The following MYO15B variants were observed in gnomAD, a reference collection of about 807,000 sequenced individuals.
The protein encoded by MYO15B is myosin XVB.
A neutral mutation model predicts 119.3 loss-of-function variants in MYO15B; 207 were observed. That is an observed-to-expected ratio of 1.73 (90% CI 1.55 to 1.95). The LOEUF is 1.95. MYO15B is among the 30% of genes most tolerant of loss of function. MYO15B has a pLI of 0.00. For missense variants in MYO15B, 2,264 were observed against 1,203.1 expected (o/e 1.88, Z -13.04); for synonymous variants, 966 against 498.9 (o/e 1.94, Z -12.48).
At chr17:75,625,194 C>G (rs1206744912) in exon 60 of MYO15B, 3 of 702,584 alleles carry the variant, frequency 4.3e-6, no homozygotes, top group Non-Finnish European at 5.2e-6. Flanking sequence ...CCAGGCTGGC[C>G]GCCCTGCAGC....
chr17:75,591,375 GGCCGAGCTCCTGGCTGAA>G lies in MYO15B; in HGVS notation c.2435+130_2435+147del, dbSNP rs2056437026. On this transcript the variant is annotated intron_variant, in intron 4 of 63. Coordinates refer to ENST00000645453, the Ensembl canonical transcript of MYO15B. ...TGGGCTACAGTTCTGGACTCCTCAG[GGCCGAGCTCCTGGCTGAA>G]ATCATCACATGAGCCCCTGGAATGT... 4 of 625,078 alleles carry G rather than the reference GGCCGAGCTCCTGGCTGAA, an allele frequency of 6.4e-6. No individual in the cohort carries two copies. In the South Asian group the frequency reaches 7.4e-5, roughly 12 times the overall value. 38.7% of individuals were successfully genotyped at this position (625,078 alleles called of 1,614,324 possible).
chr17:75,598,539 AAAAAAAAG>A (rs2057028869), intron 14 of MYO15B, among the ~76,000 whole-genome samples: 1 of 134,202 alleles, frequency 7.5e-6, no homozygotes, highest in African/African-American at 2.7e-5. Context: ...AAAAAAAAAA[AAAAAAAAG>A]AAAATGAAAG....
chr17:75,609,375 A>G (rs371515870), intron 21 of MYO15B, among the ~76,000 whole-genome samples: 1 of 147,880 alleles, frequency 6.8e-6, no homozygotes, highest in East Asian at 2.1e-4. Context: ...AGGTCTTGCT[A>G]TGTTGCCCAG....
chr17:75,602,496 C>T (rs1292197828), intron 15 of MYO15B, 21 bp from the exon 16 acceptor site: 2 of 702,992 alleles, frequency 2.8e-6, no homozygotes, highest in Admixed American at 4.0e-5. Flanking sequence ...CTTCCCTCCC[C>T]ACCTGCATGG....
chr17:75,620,919 G>A (rs528510073), intron 49 of MYO15B, 112 bp from the exon 50 acceptor site: 2 of 702,368 alleles, frequency 2.8e-6, no homozygotes, highest in South Asian at 3.0e-5. Context: ...TCACTTTCCT[G>A]GCTTCTGGTC....
chr17:75,615,913 G>C, intron 36 of MYO15B, 29 bp downstream of exon 36: 1 of 640,610 alleles, frequency 1.6e-6, no homozygotes, highest in Non-Finnish European at 2.8e-6. Flanking sequence ...TCTCAGGAAG[G>C]GATGTGAGGG....
chr17:75,602,776 A>C (rs1190751659), intron 16 of MYO15B, 54 bp from the exon 17 acceptor site: 4 of 605,550 alleles, frequency 6.6e-6, no homozygotes, highest in Non-Finnish European at 1.2e-5. Flanking sequence ...CCCGGGCTGC[A>C]GGGTGGATGG....
chr17:75,621,903 G>C (rs939313036), intron 52 of MYO15B, 101 bp from the exon 53 acceptor site: 3 of 649,822 alleles, frequency 4.6e-6, no homozygotes, highest in Non-Finnish European at 8.5e-6. Flanking sequence ...TGAGAGTGAG[G>C]CATCAGATGG....
chr17:75,611,871 G>C lies in MYO15B; in HGVS notation c.4505-15G>C. The C allele has an allele frequency of 1.4e-6, 1 of 702,824 alleles. No homozygotes were observed. The highest frequency in any genetic ancestry group is 2.6e-6 in the Non-Finnish European group (1 of 384,970). The allele number at this position is 702,824 out of a possible 1,614,324, so 43.5% of individuals were successfully genotyped here. A position where few individuals can be genotyped will look rare whatever the true frequency, so the allele number is the denominator to read the frequency against. ...CCTGGATGCTCCTGGGCTGCCTCCCGGTGCTTGTTCCCAGGCCATCGGGAC... is the reference window on the plus strand; with the variant it reads ...CCTGGATGCTCCTGGGCTGCCTCCCCGTGCTTGTTCCCAGGCCATCGGGAC... On this transcript the variant is annotated splice_polypyrimidine_tract_variant and intron_variant, in intron 24 of 63. Transcript: ENST00000645453.
Position 75,592,084 on chromosome 17 carries a change from A to T in MYO15B, c.2651+4A>T. On this transcript the variant is annotated splice_donor_region_variant and intron_variant, in intron 6 of 63. Coordinates refer to ENST00000645453, the Ensembl canonical transcript of MYO15B. Reference sequence around the variant, plus strand: ...TCTTCTGCCTCTACCTACAGCAGTGAGTGGCAGGGTTGCAGGGGGCACCTA... The same window carrying T: ...TCTTCTGCCTCTACCTACAGCAGTGTGTGGCAGGGTTGCAGGGGGCACCTA... The T allele has an allele frequency of 2.8e-6, 2 of 702,764 alleles. No individual in the cohort carries two copies. The highest frequency in any genetic ancestry group is 5.2e-6 in the Non-Finnish European group (2 of 384,958). 43.5% of individuals were successfully genotyped at this position (702,764 alleles called of 1,614,324 possible). A position where few individuals can be genotyped will look rare whatever the true frequency, so the allele number is the denominator to read the frequency against.
At position 75,610,251 on chromosome 17, in the gene MYO15B, A is replaced by C. The variant is rs779594501; in HGVS notation, c.4378A>C (p.Arg1460=). The change falls in exon 22 of 64, where the codon AGA becomes CGA. Residue 1460 remains arginine (R), a synonymous_variant. Coordinates refer to ENST00000645453, the Ensembl canonical transcript of MYO15B. ...CCAGCCCCTGCTCCAGAGGCGGCAG[A>C]GACTGCAGGTGCAGGGGCTTGGGTG... 1.7e-5 allele frequency: 12 copies of C among 700,470 alleles called. No homozygotes were observed. In the South Asian group the frequency reaches 1.8e-4, roughly 10 times the overall value. 43.4% of individuals were successfully genotyped at this position (700,470 alleles called of 1,614,324 possible).
chr17:75,602,613 A>G lies in MYO15B; in HGVS notation c.3729+19A>G. On this transcript the variant is annotated intron_variant, in intron 16 of 63. Coordinates refer to ENST00000645453, the Ensembl canonical transcript of MYO15B. ...GCTCCAGGTGCCCATCTGCCCTTCCAGGCCCCCACCCGCTCCATACTCTGT... is the reference window on the plus strand; with the variant it reads ...GCTCCAGGTGCCCATCTGCCCTTCCGGGCCCCCACCCGCTCCATACTCTGT... The G allele has an allele frequency of 1.5e-6, 1 of 658,168 alleles. No homozygotes were observed. The highest frequency in any genetic ancestry group is 2.8e-6 in the Non-Finnish European group (1 of 362,132). The allele number at this position is 658,168 out of a possible 1,614,324, so 40.8% of individuals were successfully genotyped here.
intron 19 of MYO15B, among the ~76,000 whole-genome samples, chr17:75,604,293 G>A (rs1191742013): frequency 6.6e-6 from 1 of 152,126 alleles, no homozygotes; most frequent in Non-Finnish European, 1.5e-5. Flanking sequence ...CTGCTGATCT[G>A]TGCCATTCCC....
chr17:75,615,714 G>A (rs950159726), exon 36 of MYO15B: 1 of 693,530 alleles, frequency 1.4e-6, no homozygotes, highest in Non-Finnish European at 2.6e-6. Flanking sequence ...GACAGCCCAG[G>A]CCATGTCCCT....
At chr17:75,614,887 C>G (rs771658478) in intron 32 of MYO15B, 38 bp downstream of exon 32, 23 of 702,770 alleles carry the variant, frequency 3.3e-5, no homozygotes, top group Middle Eastern at 4.6e-4. Context: ...CCTGCCCCAA[C>G]CCCCCGGGGC....
At chr17:75,588,517 G>A (rs1226149174) in exon 1 of MYO15B, 3 of 398,506 alleles carry the variant, frequency 7.5e-6, no homozygotes, top group Non-Finnish European at 1.3e-5. Context: ...GTCGGGTGGG[G>A]ACGGAGGCAG....
chr17:75,620,949 C>T (rs1401235983), intron 49 of MYO15B, 82 bp from the exon 50 acceptor site: 1 of 702,650 alleles, frequency 1.4e-6, no homozygotes, highest in Admixed American at 2.0e-5. Context: ...TGGTGTCTGG[C>T]TGGGGAGGGA....
chr17:75,602,432 TCTC>T (rs139734466), intron 15 of MYO15B, 82 bp from the exon 16 acceptor site: 16 of 702,456 alleles, frequency 2.3e-5, no homozygotes, highest in Non-Finnish European at 2.9e-5. Context: ...GGTAGATTCT[TCTC>T]CTCCATATCC....
chr17:75,610,065 G>A (rs1014325595), intron 21 of MYO15B, 101 bp from the exon 22 acceptor site: 3 of 549,958 alleles, frequency 5.5e-6, no homozygotes, highest in Admixed American at 6.0e-5. Flanking sequence ...CTGGTCCAAA[G>A]TCAGTTTTTA....
Sources: gnomAD v4.1 joint callset for allele counts (sites outside exome capture counted in the v4.1 genomes callset) on GRCh38, gnomAD v4.1.1 for gene constraint, MANE v1.5 for transcripts, NCBI Gene and HGNC (gene_info 2026-07-23, HGNC 2026-07-21) for gene names.